Variants in LRP1B observed in about 807,000 individuals in gnomAD.
LRP1B encodes LDL receptor related protein 1B.
A neutral mutation model predicts 556.6 loss-of-function variants in LRP1B; 217 were observed. The observed-to-expected ratio is 0.39, with a 90% CI of 0.35 to 0.44. The LOEUF (loss-of-function observed/expected upper bound fraction) is 0.44. LRP1B is among the 20% of genes least tolerant of loss of function. The pLI is 1.00. For missense variants in LRP1B, 5,053 were observed against 5,620.8 expected (o/e 0.90, Z 3.23); for synonymous variants, 2,047 against 1,865.8 (o/e 1.10, Z -2.50).
chr2:140,670,648 T>C (rs992834073), intron 41 of LRP1B, among the ~76,000 whole-genome samples: 9 of 150,670 alleles, frequency 6.0e-5, no homozygotes, highest in African/African-American at 2.2e-4. Context: ...GAGGAACCAA[T>C]GTTATAGTTA....
intron 1 of LRP1B, among the ~76,000 whole-genome samples, chr2:141,847,904 A>G (rs1043170176): frequency 2.0e-5 from 3 of 151,600 alleles, no homozygotes; most frequent in African/African-American, 4.8e-5. Flanking sequence ...GACATCAATG[A>G]CAAATTGGGA....
Position 141,320,246 on chromosome 2 carries a change from T to C in LRP1B, c.344-65605A>G, listed in dbSNP as rs547195852. Among the ~76,000 whole-genome samples, 12 of 152,262 alleles carry C rather than the reference T, an allele frequency of 7.9e-5. No individual in the cohort carries two copies. In the South Asian group the frequency reaches 8.3e-4, roughly 11 times the overall value. On this transcript the variant is annotated intron_variant, in intron 3 of 90. Transcript: ENST00000389484. ...TTTTAAATTACTTTTATAATAATTA[T>C]GCAAACCTTTCTTACTTCATTGTGA...
At chr2:142,021,296 A>C (rs901042068) in intron 1 of LRP1B, among the ~76,000 whole-genome samples, 5 of 151,722 alleles carry the variant, frequency 3.3e-5, no homozygotes, top group Non-Finnish European at 4.4e-5. Context: ...ATTTTAAAAA[A>C]TCTTCCTCTG....
chr2:141,743,333 T>G (rs2105548097), intron 2 of LRP1B, among the ~76,000 whole-genome samples: 1 of 152,208 alleles, frequency 6.6e-6, no homozygotes, highest in South Asian at 2.1e-4. Flanking sequence ...ATTAGATTTG[T>G]TAGGATTTTG....
intron 1 of LRP1B, among the ~76,000 whole-genome samples, chr2:141,993,463 G>C (rs960756298): frequency 6.6e-6 from 1 of 151,900 alleles, no homozygotes; most frequent in Non-Finnish European, 1.5e-5. Flanking sequence ...TTCTAGCATC[G>C]GCTCCCATTG....
chr2:141,726,839 G>T (rs904218023), intron 2 of LRP1B, among the ~76,000 whole-genome samples: 2 of 152,106 alleles, frequency 1.3e-5, no homozygotes, highest in African/African-American at 4.8e-5. Flanking sequence ...TGAAGTGGAT[G>T]CAATCTGCTG....
intron 1 of LRP1B, among the ~76,000 whole-genome samples, chr2:142,025,433 T>TAAGGAG (rs1559029521): frequency 1.3e-5 from 2 of 152,124 alleles, no homozygotes; most frequent in Non-Finnish European, 2.9e-5. Context: ...CATTTAGAAA[T>TAAGGAG]AAGGAGACTA....
chr2:140,889,259 C>T (rs1395243465), intron 23 of LRP1B, among the ~76,000 whole-genome samples: 1 of 152,160 alleles, frequency 6.6e-6, no homozygotes, highest in Non-Finnish European at 1.5e-5. Context: ...ATTATCAAAA[C>T]ATCACACATG....
At chr2:140,645,055 C>T (rs1446372497) in intron 41 of LRP1B, among the ~76,000 whole-genome samples, 1 of 151,932 alleles carries the variant, frequency 6.6e-6, no homozygotes, top group Non-Finnish European at 1.5e-5. Context: ...TATGTGTAGC[C>T]ATTATTTCTA....
chr2:140,875,845 AAT>A (rs1178558178), intron 25 of LRP1B, among the ~76,000 whole-genome samples: 3 of 152,160 alleles, frequency 2.0e-5, no homozygotes, highest in Admixed American at 2.0e-4. Context: ...CTATAATTCT[AAT>A]ATGACTTTGT....
At chr2:140,293,046 G>A (rs1683457662) in intron 84 of LRP1B, among the ~76,000 whole-genome samples, 3 of 152,124 alleles carry the variant, frequency 2.0e-5, no homozygotes, top group Admixed American at 2.0e-4. Context: ...AGAATAAGCT[G>A]TACAGGTATA....
Position 140,495,718 on chromosome 2 carries a change from C to T in LRP1B, c.8881G>A (p.Asp2961Asn), listed in dbSNP as rs2104874130. 1 of 1,610,632 alleles carries T rather than the reference C, an allele frequency of 6.2e-7. No individual in the cohort carries two copies. Among genetic ancestry groups the T allele is most frequent in the Non-Finnish European group, 8.5e-7 (1 of 1,177,134 alleles). Residue 2961 changes from aspartate (D) to asparagine (N), a missense_variant, in exon 56 of 91, where the codon GAT becomes AAT. Asp to Asn is a conservative substitution (Grantham distance 23, BLOSUM62 1). Around this residue, in one of 5 missense-constraint regions of LRP1B, gnomAD observed 3,619 missense variants for 3,931.9 expected, o/e 0.92. Coordinates refer to ENST00000389484, the MANE Select transcript of LRP1B (RefSeq NM_018557.3). The stretch of plus-strand genomic sequence containing the variant: ...ATGTCTACACATGTTTTGCCGTCAT[C>T]CTTCAGTTGGAATCCAGGCCAGCAT... Reference protein sequence around the residue: ...CKCWPGFQLKDDGKTCVDIDE... With the variant: ...CKCWPGFQLKNDGKTCVDIDE...
intron 2 of LRP1B, among the ~76,000 whole-genome samples, chr2:141,760,825 A>C (rs985342794): frequency 1.3e-5 from 2 of 152,260 alleles, no homozygotes; most frequent in Non-Finnish European, 2.9e-5. Context: ...AGTCACTTGT[A>C]ACATGGTGCT....
intron 3 of LRP1B, among the ~76,000 whole-genome samples, chr2:141,438,727 G>A (rs539144555): frequency 2.0e-5 from 3 of 152,270 alleles, no homozygotes; most frequent in African/African-American, 7.2e-5. Context: ...TGATGAATCA[G>A]TAGTGCCCAC....
At chr2:140,345,944 C>T (rs1681655620) in intron 77 of LRP1B, among the ~76,000 whole-genome samples, 1 of 149,418 alleles carries the variant, frequency 6.7e-6, no homozygotes, top group African/African-American at 2.4e-5. Flanking sequence ...GGCCTTTACT[C>T]ATCTTATCTT....
rs141882794 is a variant in LRP1B at position 140,407,172 on chromosome 2, C to T, written c.10415-21163G>A. Among the ~76,000 whole-genome samples, 27 of 152,100 alleles carry T rather than the reference C, an allele frequency of 1.8e-4. No individual in the cohort carries two copies. In the East Asian group the frequency reaches 5.0e-3, roughly 28 times the overall value. On this transcript the variant is annotated intron_variant, in intron 66 of 90. Coordinates refer to ENST00000389484, the MANE Select transcript of LRP1B (RefSeq NM_018557.3). ...GAATGAAACTGGAACCCCTCTCTCA[C>T]GTTATACAAAAATCAGTTCAAGAGG...
chr2:141,435,229 C>T (rs1680718793), intron 3 of LRP1B, among the ~76,000 whole-genome samples: 1 of 152,100 alleles, frequency 6.6e-6, no homozygotes, highest in South Asian at 2.1e-4. Flanking sequence ...GTATTTAAGT[C>T]TCTTATGGCA....
chr2:141,085,213 T>C (rs945373212), intron 7 of LRP1B, among the ~76,000 whole-genome samples: 1 of 151,672 alleles, frequency 6.6e-6, no homozygotes, highest in African/African-American at 2.4e-5. Context: ...TTTTTTCCTG[T>C]TGAACCTTTT....
At chr2:141,126,041 T>A (rs1171473873) in intron 7 of LRP1B, among the ~76,000 whole-genome samples, 1 of 151,434 alleles carries the variant, frequency 6.6e-6, no homozygotes, top group Admixed American at 6.6e-5. Context: ...CCTTTTATTT[T>A]TTTTTTTTTG....
Sources: gnomAD v4.1 joint callset for allele counts (sites outside exome capture counted in the v4.1 genomes callset) on GRCh38, gnomAD v4.1.1 for gene constraint, gnomAD v4.1.1 regional missense constraint, MANE v1.5 for transcripts, NCBI Gene and HGNC (gene_info 2026-07-23, HGNC 2026-07-21) for gene names.